Variants in PHACTR2 observed in about 807,000 individuals in gnomAD.
The protein encoded by PHACTR2 is chromosome 6 open reading frame 56.
A neutral mutation model predicts 76.0 loss-of-function variants in PHACTR2; 30 were observed. The ratio of observed to expected loss-of-function variants is 0.39; its 90% CI spans 0.30 to 0.54. The LOEUF is 0.54. Ranked by LOEUF, PHACTR2 falls within the 20% of genes least tolerant of loss-of-function variation. The pLI, the probability that PHACTR2 is intolerant of heterozygous loss-of-function variation, is 0.61. For missense variants in PHACTR2, 696 were observed against 781.1 expected (o/e 0.89, Z 1.30); for synonymous variants, 292 against 292.5 (o/e 1.00, Z 0.02).
At chr6:143,635,715 C>T (rs770415391) in intron 1 of PHACTR2, among the ~76,000 whole-genome samples, 20 of 152,162 alleles carry the variant, frequency 1.3e-4, no homozygotes, top group Admixed American at 6.5e-4. Flanking sequence ...AGCTTTTCCC[C>T]ATTTTACTTT....
chr6:143,745,022 C>T (rs1342331), intron 2 of PHACTR2, among the ~76,000 whole-genome samples: 44,484 of 152,036 alleles, frequency 0.29, 7,599 homozygotes, highest in Non-Finnish European at 0.38. Flanking sequence ...ACTCAACTGG[C>T]GATAATACTT....
In PHACTR2 at chr6:143,809,731, T is replaced by TA. The variant is rs1353954306; in HGVS notation, c.1922+2598_1922+2599insA. Among the ~76,000 whole-genome samples, 2 of 150,252 alleles carry TA rather than the reference T, an allele frequency of 1.3e-5. No homozygotes were observed. The highest frequency in any genetic ancestry group is 1.3e-4 in the Admixed American group (2 of 15,030). ...GTATGTGTGTATATATATATATATA[T>TA]TAAATATGTGTATGTACATGTATGC... On this transcript the variant is annotated intron_variant, in intron 12 of 12. Transcript: ENST00000440869. The surrounding 1 kb of genome is among the most constrained non-coding windows in gnomAD (Gnocchi z 4.2).
At chr6:143,644,502 GTAT>G (rs35405887) in intron 1 of PHACTR2, among the ~76,000 whole-genome samples, 38,401 of 145,606 alleles carry the variant, frequency 0.26, 5,276 homozygotes, top group Middle Eastern at 0.38. Flanking sequence ...TTATGAACCT[GTAT>G]TATTATATCA....
chr6:143,652,507 T>C lies in PHACTR2; in HGVS notation c.13+44185T>C, dbSNP rs1166872839. ...AATCTCTTCAAAGTGATGCACGCTG[T>C]GTTTTTCCCTGTGAGACGTGTGAAT... On this transcript the variant is annotated intron_variant, in intron 1 of 11. Coordinates refer to the PHACTR2 transcript ENST00000305766. The surrounding 1 kb of genome is among the most constrained non-coding windows in gnomAD (Gnocchi z 4.5). Among the ~76,000 whole-genome samples, 1 of 152,238 alleles carries C rather than the reference T, an allele frequency of 6.6e-6. No homozygotes were observed. The highest frequency in any genetic ancestry group is 1.5e-5 in the Non-Finnish European group (1 of 68,044).
intron 1 of PHACTR2, among the ~76,000 whole-genome samples, chr6:143,544,393 C>T (rs149364437): frequency 6.6e-6 from 1 of 152,276 alleles, no homozygotes; most frequent in East Asian, 1.9e-4. Flanking sequence ...AGGTATCACA[C>T]CTTTCTCCCC....
Position 143,585,859 on chromosome 6 carries a change from GC to G in PHACTR2, c.217+48655del. On this transcript the variant is annotated intron_variant, in intron 1 of 11. Coordinates refer to the PHACTR2 transcript ENST00000367584. The surrounding 1 kb of genome is among the most constrained non-coding windows in gnomAD (Gnocchi z 5.2). Reference sequence around the variant, plus strand: ...GAATGTTTAAACGGGAAGTGGATGAGCCCAGCAGCAGGGGATTTTAAGCTGG... The same window carrying G: ...GAATGTTTAAACGGGAAGTGGATGAGCCAGCAGCAGGGGATTTTAAGCTGG... Among the ~76,000 whole-genome samples the G allele has an allele frequency of 6.6e-6, 1 of 152,338 alleles. No homozygotes were observed. Among genetic ancestry groups the G allele is most frequent in the East Asian group, 1.9e-4 (1 of 5,186 alleles).
In PHACTR2 at chr6:143,611,446, C is replaced by T. The variant is rs1483873431; in HGVS notation, c.13+3124C>T. ...GAGGAAGGGTTTGGAGTGGAGTAGT[C>T]GAGAGCATCAGATAATTTTAGCTGA... On this transcript the variant is annotated intron_variant, in intron 1 of 11. Coordinates refer to the PHACTR2 transcript ENST00000305766. The surrounding 1 kb of genome is among the most constrained non-coding windows in gnomAD (Gnocchi z 4.4). 1.3e-5 allele frequency among the ~76,000 whole-genome samples: 2 copies of T among 152,128 alleles called. No homozygotes were observed. The highest frequency in any genetic ancestry group is 3.9e-4 in the East Asian group (2 of 5,192).
intron 1 of PHACTR2, among the ~76,000 whole-genome samples, chr6:143,573,663 C>A (rs1478086029): frequency 1.3e-5 from 2 of 151,456 alleles, no homozygotes; most frequent in Non-Finnish European, 2.9e-5. Context: ...TCTGTGCATT[C>A]TATCATGTTA....
In PHACTR2 at chr6:143,647,987, G is replaced by A. The variant is rs879820971; in HGVS notation, c.13+39665G>A. Among the ~76,000 whole-genome samples, 2 of 152,172 alleles carry A rather than the reference G, an allele frequency of 1.3e-5. No individual in the cohort carries two copies. The highest frequency in any genetic ancestry group is 2.1e-4 in the South Asian group (1 of 4,832). On this transcript the variant is annotated intron_variant, in intron 1 of 11. Transcript: ENST00000305766. The surrounding 1 kb of genome is among the most constrained non-coding windows in gnomAD (Gnocchi z 4.2). The stretch of plus-strand genomic sequence containing the variant: ...GGAAGTTGCCCCTGGCTGTGTGGCC[G>A]CAGTGGAAATAAGGGAAGCAGGTAG...
intron 1 of PHACTR2, among the ~76,000 whole-genome samples, chr6:143,615,947 A>G (rs1183724399): frequency 6.6e-6 from 1 of 152,224 alleles, no homozygotes; most frequent in Non-Finnish European, 1.5e-5. Flanking sequence ...GTGAACCAGT[A>G]CAAGATTTGA....
chr6:143,753,619 G>A lies in PHACTR2; in HGVS notation c.296-135G>A, dbSNP rs1023450814. ...CTAGCTCTTTTGTTTTGAATAAACC[G>A]GTGAAACAGTGCAGGGTGTATTTGG... On this transcript the variant is annotated intron_variant, in intron 3 of 12. Coordinates refer to ENST00000440869, the MANE Select transcript of PHACTR2 (RefSeq NM_001100164.2). The surrounding 1 kb of genome is among the most constrained non-coding windows in gnomAD (Gnocchi z 4.6). 2.6e-5 allele frequency: 15 copies of A among 577,884 alleles called. No homozygotes were observed. Among genetic ancestry groups the A allele is most frequent in the East Asian group, 6.0e-5 (2 of 33,276 alleles). 35.8% of individuals were successfully genotyped at this position (577,884 alleles called of 1,614,324 possible). A position where few individuals can be genotyped will look rare whatever the true frequency, so the allele number is the denominator to read the frequency against.
chr6:143,812,843 C>CA (rs2128485151), intron 12 of PHACTR2, among the ~76,000 whole-genome samples: 1 of 152,266 alleles, frequency 6.6e-6, no homozygotes, highest in South Asian at 2.1e-4. Context: ...ACCAACATGG[C>CA]AAACAAAAGC....
chr6:143,579,700 T>G (rs1381361583), intron 1 of PHACTR2, among the ~76,000 whole-genome samples: 2 of 152,102 alleles, frequency 1.3e-5, no homozygotes, highest in Non-Finnish European at 2.9e-5. Context: ...CCTTTTCCAC[T>G]GCACCGAGAC....
rs186119826 is a variant in PHACTR2 at position 143,538,215 on chromosome 6, A to G, written c.217+1008A>G. On this transcript the variant is annotated intron_variant, in intron 1 of 11. Transcript: ENST00000367584. Reference sequence around the variant, plus strand: ...GTGCACCGGGACCGACGAAATCAGGAACTCAGCTAAGGCCGATGCTGCCGG... The same window carrying G: ...GTGCACCGGGACCGACGAAATCAGGGACTCAGCTAAGGCCGATGCTGCCGG... Among the ~76,000 whole-genome samples the G allele has an allele frequency of 9.8e-5, 15 of 152,346 alleles. No individual in the cohort carries two copies. The East Asian group carries it at 2.9e-3, about 29-fold the overall frequency.
chr6:143,757,823 C>T lies in PHACTR2; in HGVS notation c.455-2578C>T, dbSNP rs1004369676. 1.3e-5 allele frequency among the ~76,000 whole-genome samples: 2 copies of T among 152,128 alleles called. No homozygotes were observed. Among genetic ancestry groups the T allele is most frequent in the East Asian group, 1.9e-4 (1 of 5,182 alleles). The stretch of plus-strand genomic sequence containing the variant: ...TAACTATTAGACAGTCAGTCCCATT[C>T]GTTGAATAGACATAGTGTTTACAGC... On this transcript the variant is annotated intron_variant, in intron 4 of 12. Coordinates refer to ENST00000440869, the MANE Select transcript of PHACTR2 (RefSeq NM_001100164.2). The surrounding 1 kb of genome is among the most constrained non-coding windows in gnomAD (Gnocchi z 4.2).
rs773404381 is a variant in PHACTR2 at position 143,822,929 on chromosome 6, A to G, written c.1923-745A>G. Reference sequence around the variant, plus strand: ...GAAGCCAGCTGGCTGGCTAACAAGCATACCGTAAAAGTAGTGCCAGCAAAA... The same window carrying G: ...GAAGCCAGCTGGCTGGCTAACAAGCGTACCGTAAAAGTAGTGCCAGCAAAA... On this transcript the variant is annotated intron_variant, in intron 12 of 12. Transcript: ENST00000440869. The surrounding 1 kb of genome is among the most constrained non-coding windows in gnomAD (Gnocchi z 5.5). Among the ~76,000 whole-genome samples, 1 of 152,248 alleles carries G rather than the reference A, an allele frequency of 6.6e-6. No homozygotes were observed. The highest frequency in any genetic ancestry group is 1.5e-5 in the Non-Finnish European group (1 of 68,042).
chr6:143,774,761 C>A lies in PHACTR2; in HGVS notation c.1589+546C>A, dbSNP rs1166390815. On this transcript the variant is annotated intron_variant, in intron 8 of 12. Coordinates refer to ENST00000440869, the MANE Select transcript of PHACTR2 (RefSeq NM_001100164.2). This position sits in a 1 kb window ranked among gnomAD's most constrained non-coding sequence, Gnocchi z 5.4. ...GTCTGCCTCCATCCAAGTCAGGTAG[C>A]CTTAACCCTCATATCTGAACATCCC... Among the ~76,000 whole-genome samples, 1 of 152,118 alleles carries A rather than the reference C, an allele frequency of 6.6e-6. No homozygotes were observed.
In PHACTR2 at chr6:143,561,038, C is replaced by A; in HGVS notation, c.217+23831C>A. 6.5e-6 allele frequency: 1 copy of A among 152,750 alleles called. No individual in the cohort carries two copies. Among genetic ancestry groups the A allele is most frequent in the Non-Finnish European group, 1.5e-5 (1 of 68,470 alleles). The allele number at this position is 152,750 out of a possible 1,614,324, so 9.5% of individuals were successfully genotyped here. On this transcript the variant is annotated intron_variant, in intron 1 of 11. Coordinates refer to the PHACTR2 transcript ENST00000367584. The surrounding 1 kb of genome is among the most constrained non-coding windows in gnomAD (Gnocchi z 4.1). ...TAATAAACTGGCCAGACTCCTGAAG[C>A]TGGCTGCTGGGCTGGGCTGATTAGT...
rs957993271 is a variant in PHACTR2 at position 143,596,701 on chromosome 6, G to A, written c.217+59494G>A. On this transcript the variant is annotated intron_variant, in intron 1 of 11. Coordinates refer to the PHACTR2 transcript ENST00000367584. This position sits in a 1 kb window ranked among gnomAD's most constrained non-coding sequence, Gnocchi z 4.6. ...AAAAATAAAAAAGTTAGCTGGCTGTGGTGGTATGTGACAGTAGTCCCAGCT... is the reference window on the plus strand; with the variant it reads ...AAAAATAAAAAAGTTAGCTGGCTGTAGTGGTATGTGACAGTAGTCCCAGCT... 5.9e-5 allele frequency among the ~76,000 whole-genome samples: 9 copies of A among 152,190 alleles called. No individual in the cohort carries two copies. In the East Asian group the frequency reaches 1.4e-3, roughly 23 times the overall value.
Sources: allele counts gnomAD v4.1 joint callset (sites outside exome capture counted in the v4.1 genomes callset), GRCh38; gene constraint gnomAD v4.1.1; non-coding constraint Gnocchi (gnomAD v3.1); transcripts MANE v1.5; gene names NCBI Gene and HGNC (gene_info 2026-07-23, HGNC 2026-07-21).